The following MAML3 variants were observed in gnomAD, a reference collection of about 807,000 sequenced individuals.
MAML3 encodes mastermind like transcriptional coactivator 3.
MAML3 carries 27 observed loss-of-function variants against 101.9 expected under a neutral mutation model. That is an observed-to-expected ratio of 0.27 (90% CI 0.20 to 0.37). MAML3 has a LOEUF of 0.37. MAML3 is among the 10% of genes least tolerant of loss of function. The probability of loss-of-function intolerance (pLI) is 1.00; values close to 1 mark genes in which losing one functional copy is unlikely to be tolerated. For synonymous variants in MAML3, 501 were observed against 555.9 expected (o/e 0.90, Z 1.39); for missense variants, 1,316 against 1,444.9 (o/e 0.91, Z 1.45).
chr4:140,055,844 G>A (rs1424673711), intron 1 of MAML3, among the ~76,000 whole-genome samples: 1 of 151,756 alleles, frequency 6.6e-6, no homozygotes, highest in African/African-American at 2.4e-5. Flanking sequence ...CCAAATGAAG[G>A]GCCAGTTAGT....
At chr4:139,895,053 G>A (rs759047908) in intron 1 of MAML3, among the ~76,000 whole-genome samples, 2 of 152,226 alleles carry the variant, frequency 1.3e-5, no homozygotes, top group Non-Finnish European at 2.9e-5. Flanking sequence ...AGAAGGAAAC[G>A]AAGCTGGTCC....
intron 1 of MAML3, among the ~76,000 whole-genome samples, chr4:140,043,233 G>A (rs1319290661): frequency 6.6e-6 from 1 of 152,082 alleles, no homozygotes; most frequent in Admixed American, 6.5e-5. Flanking sequence ...TACGGATGCA[G>A]AATAGGAGAC....
chr4:139,781,438 T>A (rs1021328249), intron 2 of MAML3, among the ~76,000 whole-genome samples: 16 of 151,536 alleles, frequency 1.1e-4, no homozygotes, highest in African/African-American at 3.9e-4. Context: ...GTTTGGTAAA[T>A]CTCAAAATCC....
chr4:139,852,658 G>A (rs1428764479), intron 2 of MAML3, among the ~76,000 whole-genome samples: 17 of 151,920 alleles, frequency 1.1e-4, no homozygotes, highest in Non-Finnish European at 5.9e-5. Context: ...CAAGTGATCC[G>A]CCCACCTCAG....
rs1290227613 is a variant in MAML3 at position 139,785,547 on chromosome 4, T to G, written c.2080-54880A>C. Among the ~76,000 whole-genome samples the G allele has an allele frequency of 6.6e-6, 1 of 152,210 alleles. No individual in the cohort carries two copies. Among genetic ancestry groups the G allele is most frequent in the Non-Finnish European group, 1.5e-5 (1 of 68,036 alleles). On this transcript the variant is annotated intron_variant, in intron 2 of 4. Coordinates refer to ENST00000509479, the MANE Select transcript of MAML3 (RefSeq NM_018717.5). This position sits in a 1 kb window ranked among gnomAD's most constrained non-coding sequence, Gnocchi z 4.3. Reference sequence around the variant, plus strand: ...TTGCATGTGGTTGCTGGGCTGTTGCTTGGCTGGTGCTGCACTGCGGAGTAT... The same window carrying G: ...TTGCATGTGGTTGCTGGGCTGTTGCGTGGCTGGTGCTGCACTGCGGAGTAT...
intron 1 of MAML3, among the ~76,000 whole-genome samples, chr4:139,946,822 T>C (rs1429627261): frequency 6.6e-6 from 1 of 151,632 alleles, no homozygotes; most frequent in Non-Finnish European, 1.5e-5. Context: ...AAAACTACCT[T>C]ATATCAACCC....
chr4:139,850,732 G>A (rs959574383), intron 2 of MAML3, among the ~76,000 whole-genome samples: 6 of 151,814 alleles, frequency 4.0e-5, no homozygotes, highest in Non-Finnish European at 7.4e-5. Flanking sequence ...TGGTAAAGAC[G>A]GGCGTTTCAC....
chr4:139,903,694 A>C (rs1732769218), intron 1 of MAML3, among the ~76,000 whole-genome samples: 1 of 152,244 alleles, frequency 6.6e-6, no homozygotes, highest in South Asian at 2.1e-4. Context: ...TCTTATAAGA[A>C]GATAACCATC....
In MAML3 at chr4:140,012,915, C is replaced by G. The variant is rs1040551752; in HGVS notation, c.469-121948G>C. On this transcript the variant is annotated intron_variant, in intron 1 of 4. Coordinates refer to ENST00000509479, the MANE Select transcript of MAML3 (RefSeq NM_018717.5). Reference sequence around the variant, plus strand: ...GGTAAAATGTAAACAAGAGCCATTCCCATAAAAGCACACAATATACCCTGA... The same window carrying G: ...GGTAAAATGTAAACAAGAGCCATTCGCATAAAAGCACACAATATACCCTGA... Among the ~76,000 whole-genome samples the G allele has an allele frequency of 3.9e-5, 6 of 152,170 alleles. No individual in the cohort carries two copies. The South Asian group carries it at 1.2e-3, about 31-fold the overall frequency.
intron 1 of MAML3, among the ~76,000 whole-genome samples, chr4:140,149,942 T>TTC (rs965554345): frequency 3.4e-5 from 5 of 145,278 alleles, no homozygotes; most frequent in East Asian, 2.0e-4. Context: ...TTTCTTTCTT[T>TTC]TTTTTTTTTT....
chr4:140,115,402 T>C (rs1473931134), intron 1 of MAML3, among the ~76,000 whole-genome samples: 6 of 152,222 alleles, frequency 3.9e-5, no homozygotes, highest in African/African-American at 1.4e-4. Context: ...GAGCAATTCA[T>C]AAACAAATGA....
At chr4:139,725,624 C>T in intron 4 of MAML3, 127 bp downstream of exon 4, 1 of 904,204 alleles carries the variant, frequency 1.1e-6, no homozygotes, top group Admixed American at 2.0e-5. Flanking sequence ...CTTAACCTAC[C>T]AGTAGTTACA....
chr4:139,918,704 C>G (rs1578596661), intron 1 of MAML3, among the ~76,000 whole-genome samples: 1 of 152,306 alleles, frequency 6.6e-6, no homozygotes, highest in East Asian at 1.9e-4. Flanking sequence ...TCTCCAGTGT[C>G]TAGCAGAGAT....
chr4:139,798,084 GAA>G (rs765039378), intron 2 of MAML3, among the ~76,000 whole-genome samples: 2 of 111,412 alleles, frequency 1.8e-5, no homozygotes, highest in Admixed American at 8.9e-5. Flanking sequence ...AAGAAAGAAA[GAA>G]AGAAAGAAAA....
intron 2 of MAML3, among the ~76,000 whole-genome samples, chr4:139,808,357 C>T (rs2111109557): frequency 6.6e-6 from 1 of 152,354 alleles, no homozygotes; most frequent in South Asian, 2.1e-4. Context: ...GGGTGTATAT[C>T]ACCGGCCTGT....
rs756205991 is a variant in MAML3, at chr4:139,719,274, CTTT to C, written c.*46_*48del. 1 of 1,514,866 alleles carries C rather than the reference CTTT, an allele frequency of 6.6e-7. No individual in the cohort carries two copies. The highest frequency in any genetic ancestry group is 1.4e-5 in the African/African-American group (1 of 71,628). The allele number at this position is 1,514,866 out of a possible 1,614,324, so 93.8% of individuals were successfully genotyped here. ...GGGTCAACATCCTGTTTCTTTTTCA[CTTT>C]TTAAGCTTTAACCACTCGAGTTGTG... On this transcript the variant is annotated 3_prime_UTR_variant, in exon 5 of 5. Transcript: ENST00000509479.
chr4:140,021,385 T>C (rs994182940), intron 1 of MAML3, among the ~76,000 whole-genome samples: 3 of 152,238 alleles, frequency 2.0e-5, no homozygotes, highest in African/African-American at 7.2e-5. Context: ...ATAACCTTTA[T>C]GTAAGAACAA....
chr4:139,918,134 C>T (rs951823098), intron 1 of MAML3, among the ~76,000 whole-genome samples: 1 of 152,182 alleles, frequency 6.6e-6, no homozygotes, highest in East Asian at 1.9e-4. Flanking sequence ...CGCTATTGTT[C>T]CACTAGCCGT....
chr4:140,145,001 G>A (rs918522562), intron 1 of MAML3, among the ~76,000 whole-genome samples: 1 of 152,208 alleles, frequency 6.6e-6, no homozygotes, highest in African/African-American at 2.4e-5. Context: ...AGAATAAAGG[G>A]CACAAGCAGA....
Sources: allele counts gnomAD v4.1 joint callset (sites outside exome capture counted in the v4.1 genomes callset), GRCh38; gene constraint gnomAD v4.1.1; non-coding constraint Gnocchi (gnomAD v3.1); transcripts MANE v1.5; gene names NCBI Gene and HGNC (gene_info 2026-07-23, HGNC 2026-07-21).